Variants in MAP7D2 observed in about 807,000 individuals in gnomAD.
The protein encoded by MAP7D2 is MAP7 domain-containing protein 2.
Under a neutral mutation model 63.5 loss-of-function variants are expected in MAP7D2, and 33 were observed. That is an observed-to-expected ratio of 0.52 (90% CI 0.39 to 0.70). MAP7D2 has a LOEUF of 0.70. Among genes scored for constraint, MAP7D2 ranks in the 30% least tolerant of loss-of-function variants. The pLI is 0.00. For synonymous variants in MAP7D2, 224 were observed against 223.7 expected (o/e 1.00, Z -0.01); for missense variants, 626 against 604.0 (o/e 1.04, Z -0.38).
chrX:20,084,545 T>TTCCCTCCCCCCCCCCC (rs2065859248), intron 1 of MAP7D2, among the ~76,000 whole-genome samples: 4 of 55,373 alleles, frequency 7.2e-5, no homozygotes, highest in African/African-American at 1.4e-4. Context: ...TTCCTTCCTG[T>TTCCCTCCCCCCCCCCC]TCCCTCCCTC....
chrX:20,106,366 G>A lies in MAP7D2; in HGVS notation c.130+10384C>T, dbSNP rs184009599. Among the ~76,000 whole-genome samples, 256 of 112,109 alleles carry A rather than the reference G, an allele frequency of 2.3e-3. 1 individual carries two copies. Among genetic ancestry groups the A allele is most frequent in the African/African-American group, 7.9e-3 (244 of 30,853 alleles). ...ATCCCTTCAAAAGCCTGGGGAATCC[G>A]GGCCTGCTTTGCCTGATATGGGGGA... On this transcript the variant is annotated intron_variant, in intron 1 of 16. Coordinates refer to ENST00000379643, the MANE Select transcript of MAP7D2 (RefSeq NM_001168465.2).
intron 4 of MAP7D2, 45 bp downstream of exon 4, chrX:20,056,635 A>G (rs771037188): frequency 9.1e-7 from 1 of 1,096,621 alleles, no homozygotes; most frequent in South Asian, 1.9e-5. Context: ...CTGCTCCATT[A>G]TTTCCCACCC....
In MAP7D2 at chrX:20,020,044, CGT is replaced by C. The variant is rs1489773034; in HGVS notation, c.1413-3721_1413-3720del. Among the ~76,000 whole-genome samples, 46 of 112,248 alleles carry C rather than the reference CGT, an allele frequency of 4.1e-4. No individual in the cohort carries two copies. In the Admixed American group the frequency reaches 4.3e-3, roughly 11 times the overall value. ...CCCAATTACCACTTTTCTCAATCTT[CGT>C]CATCTTCCTTAGTTGATGCTTATCA... On this transcript the variant is annotated intron_variant, in intron 10 of 16. Transcript: ENST00000379643.
At chrX:20,067,327 G>A (rs1156436036) in intron 1 of MAP7D2, among the ~76,000 whole-genome samples, 2 of 112,222 alleles carry the variant, frequency 1.8e-5, no homozygotes, top group African/African-American at 6.5e-5. Context: ...GCTTTACAGA[G>A]GCTGCTTGTT....
At chrX:20,085,437 G>A (rs1307688413) in intron 1 of MAP7D2, among the ~76,000 whole-genome samples, 1 of 112,177 alleles carries the variant, frequency 8.9e-6, no homozygotes, top group Non-Finnish European at 1.9e-5. Flanking sequence ...TCAGTAAAAT[G>A]TAGGTTGCCT....
chrX:20,044,270 G>A (rs1011002638), intron 7 of MAP7D2, 94 bp downstream of exon 7: 2 of 916,078 alleles, frequency 2.2e-6, no homozygotes, highest in Non-Finnish European at 3.1e-6. Flanking sequence ...GGAGATTGAT[G>A]GAAACAGACA....
chrX:20,062,978 G>A (rs1874768468), intron 3 of MAP7D2, among the ~76,000 whole-genome samples: 1 of 110,266 alleles, frequency 9.1e-6, no homozygotes, highest in Admixed American at 9.6e-5. Context: ...ACTCCCATCT[G>A]TAATCCTCAG....
chrX:20,091,025 T>C (rs913500259), intron 1 of MAP7D2, among the ~76,000 whole-genome samples: 1 of 107,122 alleles, frequency 9.3e-6, no homozygotes, highest in African/African-American at 3.4e-5. Flanking sequence ...AAAAACACTG[T>C]GGTATATTCA....
At chrX:20,113,263 T>C (rs1443273376) in intron 1 of MAP7D2, among the ~76,000 whole-genome samples, 1 of 111,514 alleles carries the variant, frequency 9.0e-6, no homozygotes, top group East Asian at 2.8e-4. Flanking sequence ...CTTTTTTTTT[T>C]AAGATCGGAG....
chrX:20,098,312 G>T (rs756753257), intron 1 of MAP7D2, among the ~76,000 whole-genome samples: 1 of 112,540 alleles, frequency 8.9e-6, no homozygotes, highest in South Asian at 3.7e-4. Context: ...CAAGCCAGTA[G>T]GTGATCAGAT....
At chrX:20,039,952 T>C (rs1339664376) in intron 8 of MAP7D2, among the ~76,000 whole-genome samples, 21 of 102,205 alleles carry the variant, frequency 2.1e-4, no homozygotes, top group African/African-American at 2.9e-4. Context: ...TGAGCCGAGA[T>C]TGCGCCACTG....
chrX:20,033,891 G>T (rs986519998), intron 8 of MAP7D2, among the ~76,000 whole-genome samples: 1 of 111,823 alleles, frequency 8.9e-6, no homozygotes, highest in Non-Finnish European at 1.9e-5. Context: ...CCAACAATGA[G>T]TATGCAAGAG....
chrX:20,070,955 G>C (rs1402559598), intron 1 of MAP7D2, among the ~76,000 whole-genome samples: 1 of 112,409 alleles, frequency 8.9e-6, no homozygotes, highest in Non-Finnish European at 1.9e-5. Context: ...AGCCAGCTGT[G>C]TTCAACTTTG....
At chrX:20,031,837 C>G (rs1030558035) in intron 8 of MAP7D2, among the ~76,000 whole-genome samples, 1 of 111,825 alleles carries the variant, frequency 8.9e-6, no homozygotes, top group Non-Finnish European at 1.9e-5. Flanking sequence ...GTAACAGTAC[C>G]AAGTTAAACT....
intron 1 of MAP7D2, among the ~76,000 whole-genome samples, chrX:20,100,144 C>T (rs766394341): frequency 8.9e-6 from 1 of 112,138 alleles, no homozygotes; most frequent in Non-Finnish European, 1.9e-5. Flanking sequence ...ATATAGCCTG[C>T]TCATGAAGTG....
intron 1 of MAP7D2, among the ~76,000 whole-genome samples, chrX:20,101,129 C>A (rs1226892187): frequency 8.9e-6 from 1 of 111,757 alleles, no homozygotes; most frequent in Non-Finnish European, 1.9e-5. Context: ...GATTTTAAGA[C>A]TTCTGACGTC....
intron 16 of MAP7D2, among the ~76,000 whole-genome samples, chrX:20,009,338 G>A (rs749416006): frequency 8.9e-5 from 10 of 112,122 alleles, no homozygotes; most frequent in Non-Finnish European, 1.5e-4. Flanking sequence ...TAAAGTGACT[G>A]AGAAAATGCC....
intron 1 of MAP7D2, among the ~76,000 whole-genome samples, chrX:20,098,955 C>G (rs948421895): frequency 1.5e-4 from 17 of 112,781 alleles, no homozygotes; most frequent in African/African-American, 3.2e-4. Flanking sequence ...GCCATCCACA[C>G]TACTCAAGGT....
rs751268771 is a variant in MAP7D2 at position 20,050,545 on chromosome X, C to T, written c.718+279G>A. Among the ~76,000 whole-genome samples the T allele has an allele frequency of 6.3e-5, 7 of 111,808 alleles. No individual in the cohort carries two copies. The South Asian group carries it at 2.2e-3, about 36-fold the overall frequency. ...TGGTCTACAGGCTGTTTTGCCACAC[C>T]GTCTCTTAAGAAAAGTCTACTAACC... is the stretch of plus-strand genomic sequence containing the variant. On this transcript the variant is annotated intron_variant, in intron 6 of 16. Transcript: ENST00000379643.
Sources: allele counts gnomAD v4.1 joint callset (sites outside exome capture counted in the v4.1 genomes callset), GRCh38; gene constraint gnomAD v4.1.1; transcripts MANE v1.5; gene names NCBI Gene and HGNC (gene_info 2026-07-23, HGNC 2026-07-21).